Variants in JAZF1 observed in about 807,000 individuals in gnomAD.
The protein encoded by JAZF1 is juxtaposed with another zinc finger protein 1.
Under a neutral mutation model 26.4 loss-of-function variants are expected in JAZF1, and 8 were observed. The observed-to-expected ratio is 0.30, with a 90% CI of 0.18 to 0.55. The LOEUF (loss-of-function observed/expected upper bound fraction) is 0.55, where lower values mean the gene tolerates loss of function less well. Ranked by LOEUF, JAZF1 falls within the 20% of genes least tolerant of loss-of-function variation. The pLI is 0.94. For missense variants in JAZF1, 199 were observed against 322.0 expected (o/e 0.62, Z 2.92); for synonymous variants, 126 against 122.3 (o/e 1.03, Z -0.20).
chr7:28,150,416 T>C (rs538205508), intron 1 of JAZF1, among the ~76,000 whole-genome samples: 1 of 152,192 alleles, frequency 6.6e-6, no homozygotes, highest in African/African-American at 2.4e-5. Context: ...ATATTGACTA[T>C]CATTATCTTC....
chr7:28,127,057 G>A (rs1782706823), intron 1 of JAZF1, among the ~76,000 whole-genome samples: 1 of 152,184 alleles, frequency 6.6e-6, no homozygotes, highest in South Asian at 2.1e-4. Flanking sequence ...GATATCCCAG[G>A]CAGTGGTCAA....
At chr7:27,847,716 G>A (rs1161233637) in intron 3 of JAZF1, among the ~76,000 whole-genome samples, 2 of 152,144 alleles carry the variant, frequency 1.3e-5, no homozygotes, top group African/African-American at 2.4e-5. Flanking sequence ...CGCCCAGGCT[G>A]GAATGCAGTG....
At chr7:27,894,600 G>A (rs1784028089) in intron 3 of JAZF1, among the ~76,000 whole-genome samples, 1 of 152,218 alleles carries the variant, frequency 6.6e-6, no homozygotes, top group South Asian at 2.1e-4. Context: ...TGACGGGAAA[G>A]AGAAGGCAAA....
At chr7:27,844,853 G>C (rs2128332329) in intron 3 of JAZF1, among the ~76,000 whole-genome samples, 1 of 152,290 alleles carries the variant, frequency 6.6e-6, no homozygotes, top group South Asian at 2.1e-4. Flanking sequence ...GGCTACTCTA[G>C]GGGAAAATGA....
At chr7:28,080,065 A>T (rs1468079594) in intron 1 of JAZF1, among the ~76,000 whole-genome samples, 1 of 152,242 alleles carries the variant, frequency 6.6e-6, no homozygotes, top group Non-Finnish European at 1.5e-5. Flanking sequence ...TTGCTAAAAA[A>T]TACTTTGTAA....
chr7:27,996,282 T>C (rs1263316672), intron 1 of JAZF1, among the ~76,000 whole-genome samples: 1 of 152,204 alleles, frequency 6.6e-6, no homozygotes, highest in African/African-American at 2.4e-5. Flanking sequence ...GGGAGGCCTC[T>C]AAGGGCAATG....
At position 27,955,577 on chromosome 7, in the gene JAZF1, C is replaced by T. The variant is rs144161517; in HGVS notation, c.188+36332G>A. On this transcript the variant is annotated intron_variant, in intron 2 of 4. Coordinates refer to ENST00000283928, the MANE Select transcript of JAZF1 (RefSeq NM_175061.4). Reference sequence around the variant, plus strand: ...GTGAGTCAATAACAAATCGTTGTTTCGTGAAATTGGGTGCAACTGCTTACT... The same window carrying T: ...GTGAGTCAATAACAAATCGTTGTTTTGTGAAATTGGGTGCAACTGCTTACT... 2.7e-3 allele frequency among the ~76,000 whole-genome samples: 411 copies of T among 152,290 alleles called. 3 individuals are homozygous for T. The highest frequency in any genetic ancestry group is 9.6e-3 in the African/African-American group (397 of 41,566).
intron 2 of JAZF1, among the ~76,000 whole-genome samples, chr7:27,990,156 C>A (rs1785869777): frequency 6.6e-6 from 1 of 152,138 alleles, no homozygotes; most frequent in Non-Finnish European, 1.5e-5. Flanking sequence ...AAGCTGGAAA[C>A]CATCATTCTG....
chr7:27,951,522 C>A (rs1324036879), intron 2 of JAZF1, among the ~76,000 whole-genome samples: 1 of 152,092 alleles, frequency 6.6e-6, no homozygotes, highest in African/African-American at 2.4e-5. Flanking sequence ...TCCTGGGCGA[C>A]CAGATTTGTT....
chr7:28,023,924 A>G (rs1398297525), intron 1 of JAZF1, among the ~76,000 whole-genome samples: 1 of 152,210 alleles, frequency 6.6e-6, no homozygotes, highest in Non-Finnish European at 1.5e-5. Flanking sequence ...GAAAATTAGG[A>G]AAGCTTCTTA....
At chr7:27,883,322 T>C (rs1472700511) in intron 3 of JAZF1, among the ~76,000 whole-genome samples, 3 of 152,206 alleles carry the variant, frequency 2.0e-5, no homozygotes, top group Non-Finnish European at 1.5e-5. Flanking sequence ...CGAAGTGAAA[T>C]ATGGCTGTAA....
Position 28,125,424 on chromosome 7 carries a change from A to C in JAZF1, c.115+55039T>G, listed in dbSNP as rs765246684. The stretch of plus-strand genomic sequence containing the variant: ...CTGAATTGTGAAGTTAAATGAAAGC[A>C]AAGATAGAAACCGGTTTTTAATGAA... On this transcript the variant is annotated intron_variant, in intron 1 of 4. Transcript: ENST00000283928. 2.2e-4 allele frequency among the ~76,000 whole-genome samples: 34 copies of C among 152,362 alleles called. 1 individual carries two copies. The highest frequency in any genetic ancestry group is 4.3e-4 in the Non-Finnish European group (29 of 68,032).
At chr7:27,907,690 A>G (rs1784287109) in intron 2 of JAZF1, among the ~76,000 whole-genome samples, 1 of 152,178 alleles carries the variant, frequency 6.6e-6, no homozygotes, top group Non-Finnish European at 1.5e-5. Context: ...CACTGGGTTG[A>G]GAAAGGGGAG....
At chr7:27,936,759 G>A (rs553771254) in intron 2 of JAZF1, among the ~76,000 whole-genome samples, 7 of 152,272 alleles carry the variant, frequency 4.6e-5, no homozygotes, top group South Asian at 4.1e-4. Flanking sequence ...GGCATAAAAC[G>A]GCTCGTAAGG....
chr7:28,029,555 T>G (rs1783150497), intron 1 of JAZF1, among the ~76,000 whole-genome samples: 1 of 152,226 alleles, frequency 6.6e-6, no homozygotes, highest in African/African-American at 2.4e-5. Context: ...CTACAGAACT[T>G]GGTAATACCT....
At chr7:27,852,681 A>T (rs954749689) in intron 3 of JAZF1, among the ~76,000 whole-genome samples, 1 of 152,120 alleles carries the variant, frequency 6.6e-6, no homozygotes, top group Non-Finnish European at 1.5e-5. Context: ...GCTAAACGAG[A>T]TGGAGAAAAT....
intron 2 of JAZF1, among the ~76,000 whole-genome samples, chr7:27,987,513 A>G (rs1785752691): frequency 6.6e-6 from 1 of 150,860 alleles, no homozygotes; most frequent in Non-Finnish European, 1.5e-5. Context: ...GCCACCCAGT[A>G]CGGGAGGTCG....
At chr7:28,157,695 C>T (rs1448644253) in intron 1 of JAZF1, among the ~76,000 whole-genome samples, 2 of 152,146 alleles carry the variant, frequency 1.3e-5, no homozygotes, top group African/African-American at 4.8e-5. Context: ...CCACAGTCTA[C>T]TTCCATTCGT....
chr7:27,874,784 G>T (rs1245098393), intron 3 of JAZF1, among the ~76,000 whole-genome samples: 1 of 152,194 alleles, frequency 6.6e-6, no homozygotes, highest in Non-Finnish European at 1.5e-5. Flanking sequence ...GCTTGGCGTG[G>T]CACTGCCTTG....
Sources: allele counts gnomAD v4.1 joint callset (sites outside exome capture counted in the v4.1 genomes callset), GRCh38; gene constraint gnomAD v4.1.1; transcripts MANE v1.5; gene names NCBI Gene and HGNC (gene_info 2026-07-23, HGNC 2026-07-21).